Variants in TOMM20 observed in about 807,000 individuals in gnomAD.
TOMM20 encodes the protein mitochondrial import receptor subunit TOM20 homolog.
In TOMM20, 10 loss-of-function variants were observed where a neutral mutation model predicts 22.1. The ratio of observed to expected loss-of-function variants is 0.45; its 90% CI spans 0.28 to 0.77. The LOEUF (loss-of-function observed/expected upper bound fraction) is 0.77, where lower values mean the gene tolerates loss of function less well. Ranked by LOEUF, TOMM20 falls within the 30% of genes least tolerant of loss-of-function variation. The probability of loss-of-function intolerance (pLI) is 0.13; values close to 1 mark genes in which losing one functional copy is unlikely to be tolerated. For missense variants in TOMM20, 121 were observed against 172.2 expected, an observed-to-expected ratio of 0.70 and a Z score of 1.66; for synonymous variants, 55 against 61.4, an observed-to-expected ratio of 0.90 and a Z score of 0.49.
Position 235,119,850 on chromosome 1 carries a change from T to C in TOMM20, c.218A>G (p.Glu73Gly). The part of the protein sequence containing the change: ...AEAVQKFFLE[E>G]IQLGEELLAQ... ...TAGTAACTCTTCACCAAGCTGTATT[T>C]CTTCAAGGAAGAACTTCTGAACAGC... is the stretch of plus-strand genomic sequence containing the variant. Residue 73 changes from glutamate (E) to glycine (G), a missense_variant, in exon 3 of 5, where the codon GAA becomes GGA. By Grantham distance (98) the Glu-to-Gly change is moderately conservative. Coordinates refer to ENST00000366607, the MANE Select transcript of TOMM20 (RefSeq NM_014765.3). The C allele has an allele frequency of 6.2e-7, 1 of 1,612,800 alleles. No individual in the cohort carries two copies. Among genetic ancestry groups the C allele is most frequent in the South Asian group, 1.1e-5 (1 of 90,958 alleles).
Position 235,128,601 on chromosome 1 carries a change from G to C in TOMM20, c.115C>G (p.Arg39Gly), listed in dbSNP as rs761068014. The stretch of plus-strand genomic sequence containing the variant: ...GGAGAGAGGACCCACTCACGTTCTC[G>C]AAGCCTGTTCTTGAAGTTGGGGTCA... ...RSDPNFKNRL[R>G]ERRKKQKLAK... The change falls in exon 1 of 5, where the codon CGA becomes GGA. Residue 39 changes from arginine (R) to glycine (G), a missense_variant. Transcript: ENST00000366607. 3.1e-6 allele frequency: 5 copies of C among 1,612,582 alleles called. No individual in the cohort carries two copies. The highest frequency in any genetic ancestry group is 4.1e-4 in the Middle Eastern group (2 of 4,888).
chr1:235,119,992 C>A, intron 2 of TOMM20, 93 bp from the exon 3 acceptor site: 3 of 716,560 alleles, frequency 4.2e-6, no homozygotes, highest in Admixed American at 3.4e-5. Context: ...AACAAAAAAC[C>A]AAATCACTCA....
intron 4 of TOMM20, among the ~76,000 whole-genome samples, chr1:235,112,484 G>A (rs1171952509): frequency 6.6e-6 from 1 of 152,104 alleles, no homozygotes; most frequent in Non-Finnish European, 1.5e-5. Context: ...TGGAACCACA[G>A]ACTCATGCCA....
At position 235,111,271 on chromosome 1, in the gene TOMM20, A is replaced by G. The variant is rs1660734529; in HGVS notation, c.*793T>C. On this transcript the variant is annotated 3_prime_UTR_variant, in exon 5 of 5. Transcript: ENST00000366607. ...TAAGGTGGATTTAAAGATGCCCAAC[A>G]GAACCCAATGAATCAGAAGCTAAAA... 1 of 152,262 alleles carries G rather than the reference A, an allele frequency of 6.6e-6. No individual in the cohort carries two copies. Among genetic ancestry groups the G allele is most frequent in the South Asian group, 2.1e-4 (1 of 4,832 alleles). The allele number at this position is 152,262 out of a possible 1,614,324, so 9.4% of individuals were successfully genotyped here.
chr1:235,119,770 CAGTG>C, intron 3 of TOMM20, 44 bp downstream of exon 3: 1 of 1,279,274 alleles, frequency 7.8e-7, no homozygotes, highest in Non-Finnish European at 1.1e-6. Context: ...AAATTTCTAT[CAGTG>C]AGAAAAATTC....
chr1:235,114,910 C>T (rs1326537329), intron 3 of TOMM20, among the ~76,000 whole-genome samples: 1 of 152,150 alleles, frequency 6.6e-6, no homozygotes, highest in East Asian at 1.9e-4. Context: ...CCCTCTGCCA[C>T]CCAGGCTGGA....
chr1:235,116,944 G>C (rs369263758), intron 3 of TOMM20, among the ~76,000 whole-genome samples: 1 of 150,614 alleles, frequency 6.6e-6, no homozygotes, highest in Non-Finnish European at 1.5e-5. Context: ...GACCATCCTG[G>C]CTAACATGGT....
chr1:235,122,982 AGT>A (rs1660952125), intron 1 of TOMM20, among the ~76,000 whole-genome samples: 1 of 152,204 alleles, frequency 6.6e-6, no homozygotes, highest in African/African-American at 2.4e-5. Context: ...TGACATAGAG[AGT>A]AACTGCTGAC....
intron 1 of TOMM20, 76 bp downstream of exon 1, chr1:235,128,519 G>C (rs1661074957): frequency 6.2e-7 from 1 of 1,602,612 alleles, no homozygotes; most frequent in East Asian, 2.2e-5. Context: ...CAGGCTGGTG[G>C]GAGGCAATGA....
intron 4 of TOMM20, among the ~76,000 whole-genome samples, chr1:235,112,475 G>A (rs542923582): frequency 7.9e-5 from 12 of 152,200 alleles, no homozygotes; most frequent in Admixed American, 2.0e-4. Flanking sequence ...CTGAGTAGCT[G>A]GAACCACAGA....
At chr1:235,116,916 A>T (rs941640626) in intron 3 of TOMM20, among the ~76,000 whole-genome samples, 2 of 152,102 alleles carry the variant, frequency 1.3e-5, no homozygotes, top group Non-Finnish European at 1.5e-5. Context: ...CGGGCGGATC[A>T]CAAGGTCAGG....
intron 3 of TOMM20, among the ~76,000 whole-genome samples, chr1:235,114,439 CTT>C (rs67573955): frequency 5.5e-4 from 73 of 131,564 alleles, no homozygotes; most frequent in Non-Finnish European, 6.6e-4. Context: ...CTTATTTTTT[CTT>C]TTTTTTTTTT....
chr1:235,120,165 C>T (rs1295932283), intron 2 of TOMM20, among the ~76,000 whole-genome samples: 7 of 152,286 alleles, frequency 4.6e-5, no homozygotes, highest in Admixed American at 2.6e-4. Context: ...AAATCTATAC[C>T]GTCTACGCAC....
intron 2 of TOMM20, among the ~76,000 whole-genome samples, chr1:235,120,534 G>C (rs554789827): frequency 6.6e-6 from 1 of 151,434 alleles, no homozygotes; most frequent in Non-Finnish European, 1.5e-5. Context: ...CAAAGTGCTA[G>C]GATTACAGGT....
At chr1:235,125,404 A>C (rs1337723152) in intron 1 of TOMM20, among the ~76,000 whole-genome samples, 1 of 152,030 alleles carries the variant, frequency 6.6e-6, no homozygotes, top group Non-Finnish European at 1.5e-5. Context: ...TTTAGTAAAG[A>C]CGGGGTTTCA....
intron 4 of TOMM20, 140 bp downstream of exon 4, chr1:235,113,628 A>C: frequency 2.1e-5 from 22 of 1,029,436 alleles, no homozygotes; most frequent in Non-Finnish European, 2.9e-5. Context: ...GGAAAATGTC[A>C]AGCGCTGATA....
At chr1:235,126,083 ATAGATAAAGAT>A (rs1661014134) in intron 1 of TOMM20, among the ~76,000 whole-genome samples, 1 of 151,032 alleles carries the variant, frequency 6.6e-6, no homozygotes, top group African/African-American at 2.4e-5. Flanking sequence ...AGATAGATAG[ATAGATAAAGAT>A]AGATAGATAT....
intron 1 of TOMM20, among the ~76,000 whole-genome samples, chr1:235,126,211 C>CT (rs1396669629): frequency 6.6e-6 from 1 of 152,000 alleles, no homozygotes; most frequent in Non-Finnish European, 1.5e-5. Context: ...TCTCTGCTCA[C>CT]TGCAACCTCC....
chr1:235,122,278 A>T (rs752824777), intron 2 of TOMM20, 48 bp downstream of exon 2: 1 of 1,392,034 alleles, frequency 7.2e-7, no homozygotes, highest in Admixed American at 2.5e-5. Flanking sequence ...AGATTTTAAA[A>T]TAATATTTCT....
Sources: gnomAD v4.1 joint callset for allele counts (sites outside exome capture counted in the v4.1 genomes callset) on GRCh38, gnomAD v4.1.1 for gene constraint, MANE v1.5 for transcripts, NCBI Gene and HGNC (gene_info 2026-07-23, HGNC 2026-07-21) for gene names.